IL17RD: variants seen among roughly 807,000 people sequenced by gnomAD.
IL17RD encodes interleukin-17 receptor D.
A neutral mutation model predicts 80.5 loss-of-function variants in IL17RD; 52 were observed. The ratio of observed to expected loss-of-function variants is 0.65; its 90% CI spans 0.52 to 0.81. The LOEUF is 0.81. IL17RD is among the 40% of genes least tolerant of loss of function. IL17RD has a pLI of 0.00. For missense variants in IL17RD, 1,024 were observed against 955.1 expected (o/e 1.07, Z -0.95); for synonymous variants, 416 against 391.8 (o/e 1.06, Z -0.73).
chr3:57,159,775 T>A (rs995067236), intron 1 of IL17RD, among the ~76,000 whole-genome samples: 6 of 152,178 alleles, frequency 3.9e-5, no homozygotes, highest in African/African-American at 1.4e-4. Context: ...CCTGTCAAGC[T>A]CCCTGATAGC....
chr3:57,105,869 C>CT lies in IL17RD; in HGVS notation c.734dup (p.Thr246AspfsTer3). 6.2e-7 allele frequency: 1 copy of CT among 1,613,752 alleles called. No homozygotes were observed. The highest frequency in any genetic ancestry group is 1.1e-5 in the South Asian group (1 of 91,038). ...CCCAGCAGCTCACCTGCTTACAGGTCTTTCGCTTGAAAGGTCCTTCGTGCT... is the reference window on the plus strand; with the variant it reads ...CCCAGCAGCTCACCTGCTTACAGGTCTTTTCGCTTGAAAGGTCCTTCGTGCT... On this transcript the variant is annotated frameshift_variant, in exon 7 of 13. Transcript: ENST00000296318. LOFTEE classifies it high-confidence loss of function.
chr3:57,108,261 G>A (rs1018189761), intron 5 of IL17RD, among the ~76,000 whole-genome samples: 3 of 151,794 alleles, frequency 2.0e-5, no homozygotes, highest in African/African-American at 7.2e-5. Flanking sequence ...GGACCATGTT[G>A]ACCAGGTTGG....
At chr3:57,153,723 G>A (rs2060245872) in intron 1 of IL17RD, among the ~76,000 whole-genome samples, 1 of 152,200 alleles carries the variant, frequency 6.6e-6, no homozygotes, top group South Asian at 2.1e-4. Context: ...CAAAGGATGG[G>A]AGAAAGAGCA....
intron 2 of IL17RD, 85 bp from the exon 3 acceptor site, chr3:57,114,902 G>A (rs1707179697): frequency 9.5e-6 from 11 of 1,156,298 alleles, no homozygotes; most frequent in Non-Finnish European, 1.3e-5. Context: ...AACAGGGCAT[G>A]TCTGAAGGTG....
intron 1 of IL17RD, among the ~76,000 whole-genome samples, chr3:57,154,551 A>G (rs994178131): frequency 3.9e-5 from 6 of 152,180 alleles, no homozygotes; most frequent in Middle Eastern, 6.8e-3. Context: ...AGCTCAGTAG[A>G]TGGGAAATGT....
chr3:57,144,717 A>C lies in IL17RD; in HGVS notation c.126+20444T>G, dbSNP rs563299202. Among the ~76,000 whole-genome samples the C allele has an allele frequency of 3.1e-3, 20 of 6,502 alleles. No homozygotes were observed. In the South Asian group the frequency reaches 0.14, roughly 47 times the overall value. 4.3% of individuals were successfully genotyped at this position (6,502 alleles called of 152,430 possible). A position where few individuals can be genotyped will look rare whatever the true frequency, so the allele number is the denominator to read the frequency against. ...CGTCAACCAGGGCAGGTGGACAATC[A>C]CTCAGGATAAGTTCTTGGACTGAGA... On this transcript the variant is annotated intron_variant, in intron 1 of 12. Transcript: ENST00000296318.
At chr3:57,134,837 G>C in intron 1 of IL17RD, 1 of 362,606 alleles carries the variant, frequency 2.8e-6, no homozygotes, top group Non-Finnish European at 5.3e-6. Flanking sequence ...ATGGGGGCTA[G>C]GTGTGGTGGC....
chr3:57,098,261 T>G lies in IL17RD; in HGVS notation c.1442A>C (p.Asp481Ala), dbSNP rs1279384100. 4.3e-6 allele frequency: 7 copies of G among 1,613,822 alleles called. No individual in the cohort carries two copies. Reference protein sequence around the residue: ...ALSKFIAVYFDYSCEGDVPGI... With the variant: ...ALSKFIAVYFAYSCEGDVPGI... The stretch of plus-strand genomic sequence containing the variant: ...GGGGACGTCTCCCTCGCAGGAATAA[T>G]CAAAGTAGACGGCGATAAACTTGCT... The change falls in exon 12 of 13, where the codon GAT becomes GCT. Residue 481 changes from aspartate (D) to alanine (A), a missense_variant. By Grantham distance (126) the Asp-to-Ala change is moderately radical. Coordinates refer to ENST00000296318, the MANE Select transcript of IL17RD (RefSeq NM_017563.5).
At position 57,110,257 on chromosome 3, in the gene IL17RD, C is replaced by T; in HGVS notation, c.365G>A (p.Gly122Glu). ...TAGAATCAGTTGTTGGCACTGTCTTCCCTCCGACTTCAGCTCCTCCAGTAT... is the reference window on the plus strand; with the variant it reads ...TAGAATCAGTTGTTGGCACTGTCTTTCCTCCGACTTCAGCTCCTCCAGTAT... Reference protein sequence around the residue: ...RVILEELKSEGRQCQQLILKD... With the variant: ...RVILEELKSEERQCQQLILKD... The change falls in exon 4 of 13, where the codon GGA (glycine) becomes GAA (glutamate). Residue 122 changes from glycine (G) to glutamate (E), a missense_variant. Physicochemically the swap from Gly to Glu is moderately conservative, Grantham distance 98. Coordinates refer to ENST00000296318, the MANE Select transcript of IL17RD (RefSeq NM_017563.5). The T allele has an allele frequency of 6.2e-7, 1 of 1,609,652 alleles. No individual in the cohort carries two copies. Among genetic ancestry groups the T allele is most frequent in the East Asian group, 2.2e-5 (1 of 44,816 alleles).
intron 1 of IL17RD, among the ~76,000 whole-genome samples, chr3:57,156,982 G>T (rs916278966): frequency 2.6e-5 from 4 of 152,132 alleles, no homozygotes; most frequent in Non-Finnish European, 5.9e-5. Context: ...GTTTCTCAAT[G>T]CATCACTGCA....
At chr3:57,134,688 A>G in intron 1 of IL17RD, 1 of 716,006 alleles carries the variant, frequency 1.4e-6, no homozygotes, top group Non-Finnish European at 2.6e-6. Context: ...GGAGATCATC[A>G]AGACTTTGTC....
At position 57,098,521 on chromosome 3, in the gene IL17RD, C is replaced by A; in HGVS notation, c.1182G>T (p.Trp394Cys). The change falls in exon 12 of 13, where the codon TGG becomes TGT. Residue 394 changes from tryptophan to cysteine, a missense_variant. Transcript: ENST00000296318. ...FCGCEVALDL[W>C]EDFSLCREGQ... ...CTTCTCTACAGAGGCTGAAGTCTTC[C>A]CACAGGTCCAGAGCCACCTGGAAAG... 7 of 1,604,046 alleles carry A rather than the reference C, an allele frequency of 4.4e-6. No homozygotes were observed. The highest frequency in any genetic ancestry group is 5.1e-6 in the Non-Finnish European group (6 of 1,174,080).
intron 5 of IL17RD, among the ~76,000 whole-genome samples, chr3:57,108,995 G>A (rs766689256): frequency 2.6e-5 from 4 of 152,114 alleles, no homozygotes; most frequent in Non-Finnish European, 5.9e-5. Context: ...AATATCAACT[G>A]TCAGGTCTGT....
chr3:57,169,608 T>C (rs1010456899), upstream of IL17RD, among the ~76,000 whole-genome samples: 1 of 152,200 alleles, frequency 6.6e-6, no homozygotes, highest in African/African-American at 2.4e-5. Flanking sequence ...AGGGAATAAC[T>C]AAATACTATT....
intron 1 of IL17RD, among the ~76,000 whole-genome samples, chr3:57,153,581 G>A (rs1201994748): frequency 6.6e-6 from 1 of 152,222 alleles, no homozygotes; most frequent in Non-Finnish European, 1.5e-5. Context: ...AAGAAATTAT[G>A]AATGACATTA....
chr3:57,161,594 C>A (rs1377509825), intron 1 of IL17RD, among the ~76,000 whole-genome samples: 1 of 152,028 alleles, frequency 6.6e-6, no homozygotes, highest in African/African-American at 2.4e-5. Flanking sequence ...GAAGGTGGAC[C>A]CCATTTAGGT....
At chr3:57,159,495 G>A (rs370957639) in intron 1 of IL17RD, among the ~76,000 whole-genome samples, 2 of 152,294 alleles carry the variant, frequency 1.3e-5, no homozygotes, top group East Asian at 1.9e-4. Context: ...AATGTGTTTC[G>A]GAGGCCATCA....
upstream of IL17RD, among the ~76,000 whole-genome samples, chr3:57,168,557 G>A (rs977631522): frequency 6.6e-6 from 1 of 152,226 alleles, no homozygotes; most frequent in Admixed American, 6.5e-5. Flanking sequence ...CAGCATGTAT[G>A]TGAGTGGCAG....
intron 1 of IL17RD, among the ~76,000 whole-genome samples, chr3:57,160,563 T>C (rs2060296894): frequency 1.3e-5 from 2 of 152,072 alleles, no homozygotes; most frequent in Admixed American, 1.3e-4. Context: ...CCAAACTAGC[T>C]TCTCCCCCGC....
Sources: allele counts gnomAD v4.1 joint callset (sites outside exome capture counted in the v4.1 genomes callset), GRCh38; gene constraint gnomAD v4.1.1; transcripts MANE v1.5; gene names NCBI Gene and HGNC (gene_info 2026-07-23, HGNC 2026-07-21).